KLHL1: variants seen among roughly 807,000 people sequenced by gnomAD.
KLHL1 encodes the protein kelch like family member 1.
KLHL1 carries 47 observed loss-of-function variants against 77.7 expected under a neutral mutation model. The observed-to-expected ratio is 0.60, with a 90% confidence interval of 0.48 to 0.77. The LOEUF is 0.77. Among genes scored for constraint, KLHL1 ranks in the 30% least tolerant of loss-of-function variants. The pLI is 0.00. For missense variants in KLHL1, 925 were observed against 910.8 expected, an observed-to-expected ratio of 1.02 and a Z score of -0.20; for synonymous variants, 360 against 325.2, an observed-to-expected ratio of 1.11 and a Z score of -1.15.
intron 7 of KLHL1, among the ~76,000 whole-genome samples, chr13:69,751,388 C>A (rs774592957): frequency 6.6e-6 from 1 of 151,982 alleles, no homozygotes; most frequent in Non-Finnish European, 1.5e-5. Flanking sequence ...CTGAAGGACA[C>A]AAATAGGTGC....
chr13:70,022,923 T>C (rs1429854639), intron 1 of KLHL1, among the ~76,000 whole-genome samples: 3 of 152,108 alleles, frequency 2.0e-5, no homozygotes, highest in East Asian at 1.9e-4. Context: ...TGAGTAAAAC[T>C]ATACATTGCA....
intron 4 of KLHL1, among the ~76,000 whole-genome samples, chr13:69,893,726 C>T (rs1321590426): frequency 6.6e-6 from 1 of 152,148 alleles, no homozygotes; most frequent in African/African-American, 2.4e-5. Flanking sequence ...GAAAAATAAA[C>T]AAGGACTGAA....
At chr13:70,106,546 A>G (rs1888060655) in intron 1 of KLHL1, among the ~76,000 whole-genome samples, 1 of 152,222 alleles carries the variant, frequency 6.6e-6, no homozygotes, top group African/African-American at 2.4e-5. Context: ...TACTGAGCCA[A>G]CAAATCACAA....
At chr13:69,965,980 T>C (rs1884200048) in intron 2 of KLHL1, among the ~76,000 whole-genome samples, 1 of 152,158 alleles carries the variant, frequency 6.6e-6, no homozygotes, top group Non-Finnish European at 1.5e-5. Flanking sequence ...GTCTTCTCCA[T>C]AACATAAAAG....
intron 5 of KLHL1, among the ~76,000 whole-genome samples, chr13:69,875,135 T>C (rs1177872207): frequency 6.6e-6 from 1 of 151,982 alleles, no homozygotes; most frequent in East Asian, 1.9e-4. Flanking sequence ...ACAATTGAGA[T>C]TGGGGGGAAA....
At chr13:69,837,570 T>A (rs955883963) in intron 6 of KLHL1, among the ~76,000 whole-genome samples, 2 of 147,816 alleles carry the variant, frequency 1.4e-5, no homozygotes, top group Non-Finnish European at 3.0e-5. Context: ...TAAATATGTA[T>A]AGATATATAG....
chr13:69,962,323 T>G (rs2137272178), intron 2 of KLHL1, among the ~76,000 whole-genome samples: 1 of 152,232 alleles, frequency 6.6e-6, no homozygotes, highest in East Asian at 1.9e-4. Flanking sequence ...ATCTGGTACA[T>G]CTGGTGAATT....
rs552825135 is a variant in KLHL1, at chr13:69,808,217, CTG to C, written c.1415-11257_1415-11256del. Among the ~76,000 whole-genome samples the C allele has an allele frequency of 1.9e-4, 29 of 152,176 alleles. No homozygotes were observed. The South Asian group carries it at 6.0e-3, about 32-fold the overall frequency. ...CCCAGGAAGTGTGGGTTGAAAGAGA[CTG>C]TTTCTTGGGCTTCTTTAGCAGCTCT... On this transcript the variant is annotated intron_variant, in intron 6 of 10. Coordinates refer to ENST00000377844, the MANE Select transcript of KLHL1 (RefSeq NM_020866.3).
chr13:70,089,903 G>A (rs1191243784), intron 1 of KLHL1, among the ~76,000 whole-genome samples: 1 of 152,056 alleles, frequency 6.6e-6, no homozygotes, highest in Non-Finnish European at 1.5e-5. Flanking sequence ...ATGCCTCCAT[G>A]TTGAAAATGC....
intron 10 of KLHL1, among the ~76,000 whole-genome samples, chr13:69,702,611 A>T (rs933776254): frequency 2.6e-5 from 4 of 151,712 alleles, no homozygotes; most frequent in African/African-American, 9.7e-5. Flanking sequence ...TTATTGATTG[A>T]AAAAGGACAT....
chr13:69,705,354 A>C (rs759478639), intron 10 of KLHL1, among the ~76,000 whole-genome samples: 2 of 151,726 alleles, frequency 1.3e-5, no homozygotes, highest in Non-Finnish European at 3.0e-5. Flanking sequence ...AAAAGCACAA[A>C]ACTGTTAATC....
intron 1 of KLHL1, among the ~76,000 whole-genome samples, chr13:69,987,885 A>C (rs1343842723): frequency 6.6e-6 from 1 of 152,158 alleles, no homozygotes. Flanking sequence ...GAAAAGATAC[A>C]TTAAATGTAG....
intron 5 of KLHL1, among the ~76,000 whole-genome samples, chr13:69,851,954 G>T (rs1383533528): frequency 6.6e-6 from 1 of 151,816 alleles, no homozygotes; most frequent in African/African-American, 2.4e-5. Flanking sequence ...TGAAATTGAT[G>T]AACTGTATTA....
At chr13:70,018,572 C>T (rs4884871) in intron 1 of KLHL1, among the ~76,000 whole-genome samples, 35,199 of 152,118 alleles carry the variant, frequency 0.23, 4,543 homozygotes, top group East Asian at 0.55. Flanking sequence ...TGTTGGATGA[C>T]TGTGCTGTTT....
chr13:69,721,642 T>G (rs1593772593), intron 8 of KLHL1, among the ~76,000 whole-genome samples: 1 of 152,264 alleles, frequency 6.6e-6, no homozygotes, highest in Non-Finnish European at 1.5e-5. Flanking sequence ...TACAAATTCA[T>G]GCTCTAATAC....
At chr13:69,842,952 A>T (rs966044353) in intron 5 of KLHL1, among the ~76,000 whole-genome samples, 17 of 151,790 alleles carry the variant, frequency 1.1e-4, no homozygotes, top group African/African-American at 4.1e-4. Flanking sequence ...GACAAATATC[A>T]CATGTTCTCA....
Position 69,751,900 on chromosome 13 carries a change from T to C in KLHL1, c.1640-11344A>G, listed in dbSNP as rs892212365. On this transcript the variant is annotated intron_variant, in intron 7 of 10. Transcript: ENST00000377844. Reference sequence around the variant, plus strand: ...AAGGAAAAATGAAGGACTCAGGAAATATTTGCAAATTAAGAGGATGTATTT... The same window carrying C: ...AAGGAAAAATGAAGGACTCAGGAAACATTTGCAAATTAAGAGGATGTATTT... Among the ~76,000 whole-genome samples, 6 of 144,332 alleles carry C rather than the reference T, an allele frequency of 4.2e-5. No individual in the cohort carries two copies. In the East Asian group the frequency reaches 1.0e-3, roughly 24 times the overall value. 94.7% of individuals were successfully genotyped at this position (144,332 alleles called of 152,430 possible).
chr13:69,705,364 C>T (rs1044609310), intron 10 of KLHL1, among the ~76,000 whole-genome samples: 5 of 151,600 alleles, frequency 3.3e-5, no homozygotes, highest in African/African-American at 9.7e-5. Flanking sequence ...AACTGTTAAT[C>T]GATTCCTAAT....
intron 4 of KLHL1, among the ~76,000 whole-genome samples, chr13:69,883,320 A>T (rs183401849): frequency 6.6e-6 from 1 of 152,114 alleles, no homozygotes; most frequent in African/African-American, 2.4e-5. Context: ...TTGTTTTTCA[A>T]CTTGCCATCT....
Sources: allele counts gnomAD v4.1 joint callset (sites outside exome capture counted in the v4.1 genomes callset), GRCh38; gene constraint gnomAD v4.1.1; transcripts MANE v1.5; gene names NCBI Gene and HGNC (gene_info 2026-07-23, HGNC 2026-07-21).